RSBN1L: variants seen among roughly 807,000 people sequenced by gnomAD.
RSBN1L encodes the protein round spermatid basic protein 1 like.
A neutral mutation model predicts 67.7 loss-of-function variants in RSBN1L; 30 were observed. That is an observed-to-expected ratio of 0.44 (90% confidence interval 0.33 to 0.60). The LOEUF (loss-of-function observed/expected upper bound fraction) is 0.60. Among genes scored for constraint, RSBN1L ranks in the 20% least tolerant of loss-of-function variants. The pLI, the probability that RSBN1L is intolerant of heterozygous loss-of-function variation, is 0.02. For missense variants in RSBN1L, 992 were observed against 1,031.7 expected, an observed-to-expected ratio of 0.96 and a Z score of 0.53; for synonymous variants, 433 against 387.0, an observed-to-expected ratio of 1.12 and a Z score of -1.39.
intron 1 of RSBN1L, among the ~76,000 whole-genome samples, chr7:77,698,511 A>G (rs1290572346): frequency 6.6e-6 from 1 of 152,226 alleles, no homozygotes; most frequent in Non-Finnish European, 1.5e-5. Context: ...TGAGTATTAC[A>G]TAGTTGGAGT....
At chr7:77,743,276 G>C (rs1454792588) in intron 2 of RSBN1L, among the ~76,000 whole-genome samples, 1 of 152,006 alleles carries the variant, frequency 6.6e-6, no homozygotes, top group Non-Finnish European at 1.5e-5. Context: ...CTGCTCTGCT[G>C]TGAGAATTTA....
intron 1 of RSBN1L, among the ~76,000 whole-genome samples, chr7:77,723,827 G>A (rs1791154835): frequency 1.3e-5 from 2 of 152,132 alleles, no homozygotes; most frequent in South Asian, 2.1e-4. Context: ...CCAGCTACTC[G>A]GGTGGCCGAG....
chr7:77,733,355 G>T (rs893009304), intron 1 of RSBN1L, among the ~76,000 whole-genome samples: 3 of 152,140 alleles, frequency 2.0e-5, no homozygotes, highest in Non-Finnish European at 4.4e-5. Context: ...ATCAGGAGGG[G>T]TAACTGCAAT....
At chr7:77,726,212 T>C (rs912978652) in intron 1 of RSBN1L, among the ~76,000 whole-genome samples, 1 of 152,230 alleles carries the variant, frequency 6.6e-6, no homozygotes, top group Non-Finnish European at 1.5e-5. Flanking sequence ...TGATGCATTA[T>C]TATTAACTAA....
chr7:77,750,814 G>A (rs1181314410), intron 3 of RSBN1L, among the ~76,000 whole-genome samples: 1 of 152,152 alleles, frequency 6.6e-6, no homozygotes, highest in Non-Finnish European at 1.5e-5. Context: ...AGTTTGGAAG[G>A]AGGGAAAAAG....
chr7:77,716,367 G>A (rs1483992807), intron 1 of RSBN1L, among the ~76,000 whole-genome samples: 1 of 151,090 alleles, frequency 6.6e-6, no homozygotes, highest in African/African-American at 2.4e-5. Context: ...TTGTCACCCA[G>A]GCTGCAGGAG....
Position 77,768,743 on chromosome 7 carries a change from G to A in RSBN1L, c.1565G>A (p.Arg522His). 3 of 1,613,898 alleles carry A rather than the reference G, an allele frequency of 1.9e-6. No homozygotes were observed. Among genetic ancestry groups the A allele is most frequent in the South Asian group, 1.1e-5 (1 of 91,082 alleles). ...DSDDGPIMWV[R>H]PGEQMIPVAD... is the part of the protein sequence containing the mutation. ...GATGATGGTCCCATCATGTGGGTTC[G>A]TCCAGGAGAACAAATGATCCCTGTG... Residue 522 changes from arginine to histidine, a missense_variant, in exon 5 of 8, where the codon CGT becomes CAT. This residue lies in a region of RSBN1L where 67 missense variants were observed against 130.5 expected (regional missense o/e 0.51). Transcript: ENST00000334955.
intron 3 of RSBN1L, among the ~76,000 whole-genome samples, chr7:77,755,615 C>T (rs1255701516): frequency 6.6e-6 from 1 of 151,984 alleles, no homozygotes; most frequent in African/African-American, 2.4e-5. Context: ...TGCAGTGAAC[C>T]GAGATCGCGC....
intron 1 of RSBN1L, among the ~76,000 whole-genome samples, chr7:77,699,323 C>G (rs1790783017): frequency 6.6e-6 from 1 of 152,122 alleles, no homozygotes; most frequent in African/African-American, 2.4e-5. Flanking sequence ...ACCACACACA[C>G]TCGAAAGACC....
chr7:77,738,127 A>G (rs758252606), intron 2 of RSBN1L, among the ~76,000 whole-genome samples: 1 of 151,850 alleles, frequency 6.6e-6, no homozygotes, highest in Non-Finnish European at 1.5e-5. Context: ...TTTCTTATTC[A>G]TTTGAAAATA....
At chr7:77,697,148 C>T (rs897841933) in intron 1 of RSBN1L, 93 bp downstream of exon 1, 10 of 1,267,712 alleles carry the variant, frequency 7.9e-6, no homozygotes, top group Middle Eastern at 3.0e-4. Context: ...AGCGCGGCGG[C>T]CGCGTGCGCC....
At chr7:77,711,194 A>G (rs1024844352) in intron 1 of RSBN1L, among the ~76,000 whole-genome samples, 1 of 152,222 alleles carries the variant, frequency 6.6e-6, no homozygotes. Flanking sequence ...AAGGAAATAA[A>G]CTGTGGGTAA....
chr7:77,737,555 T>G (rs1345292758), intron 2 of RSBN1L, among the ~76,000 whole-genome samples: 1 of 152,144 alleles, frequency 6.6e-6, no homozygotes, highest in East Asian at 1.9e-4. Flanking sequence ...CTTGAAGAAA[T>G]ACGTCAGAGC....
chr7:77,752,375 C>G (rs1791566480), intron 3 of RSBN1L, among the ~76,000 whole-genome samples: 1 of 151,356 alleles, frequency 6.6e-6, no homozygotes, highest in African/African-American at 2.4e-5. Context: ...AGTACATGTG[C>G]AAGGCCCGTA....
intron 2 of RSBN1L, among the ~76,000 whole-genome samples, chr7:77,739,739 C>CTTTTTTTTTTTTTTTT (rs1173154183): frequency 2.3e-5 from 1 of 42,686 alleles, no homozygotes; most frequent in Non-Finnish European, 4.0e-5. Flanking sequence ...AAAAATGTGT[C>CTTTTTTTTTTTTTTTT]TTTTTTTTTT....
In RSBN1L at chr7:77,781,392, G is replaced by A. The variant is rs1369086986; in HGVS notation, c.*2224G>A. 6.6e-6 allele frequency: 1 copy of A among 152,164 alleles called. No individual in the cohort carries two copies. Among genetic ancestry groups the A allele is most frequent in the Non-Finnish European group, 1.5e-5 (1 of 68,038 alleles). 9.4% of individuals were successfully genotyped at this position (152,164 alleles called of 1,614,324 possible). On this transcript the variant is annotated 3_prime_UTR_variant, in exon 8 of 8. Coordinates refer to ENST00000334955, the MANE Select transcript of RSBN1L (RefSeq NM_198467.3). ...AGTGGCAGAAGTTCTTAACAAACCA[G>A]TATTGAGAAATAAGAAGGGATGTAG...
chr7:77,738,349 T>G (rs1448635815), intron 2 of RSBN1L, among the ~76,000 whole-genome samples: 3 of 152,112 alleles, frequency 2.0e-5, no homozygotes, highest in Non-Finnish European at 4.4e-5. Context: ...AGACAAAAAT[T>G]TAGGTGATAT....
intron 5 of RSBN1L, among the ~76,000 whole-genome samples, chr7:77,771,759 C>T (rs1427462043): frequency 6.6e-6 from 1 of 152,088 alleles, no homozygotes; most frequent in African/African-American, 2.4e-5. Flanking sequence ...ATCCACCTGC[C>T]TTGGCCTCCC....
chr7:77,743,028 G>A lies in RSBN1L; in HGVS notation c.704-6396G>A, dbSNP rs557431329. ...TCTTCTGCATACAGTGCTCATTTCAGTATTTAATTACAGAATAGTTTTCCA... is the reference window on the plus strand; with the variant it reads ...TCTTCTGCATACAGTGCTCATTTCAATATTTAATTACAGAATAGTTTTCCA... On this transcript the variant is annotated intron_variant, in intron 2 of 7. Coordinates refer to ENST00000334955, the MANE Select transcript of RSBN1L (RefSeq NM_198467.3). Among the ~76,000 whole-genome samples, 3 of 150,788 alleles carry A rather than the reference G, an allele frequency of 2.0e-5. No homozygotes were observed. The South Asian group carries it at 6.3e-4, about 32-fold the overall frequency.
Sources: allele counts gnomAD v4.1 joint callset (sites outside exome capture counted in the v4.1 genomes callset), GRCh38; gene constraint gnomAD v4.1.1; regional missense constraint gnomAD v4.1.1; transcripts MANE v1.5; gene names NCBI Gene and HGNC (gene_info 2026-07-23, HGNC 2026-07-21).